The following TRPC6 variants were observed in gnomAD, a reference collection of about 807,000 sequenced individuals.
TRPC6 encodes short transient receptor potential channel 6.
Under a neutral mutation model 90.7 loss-of-function variants are expected in TRPC6, and 55 were observed. The observed-to-expected ratio is 0.61, with a 90% CI of 0.49 to 0.76. The LOEUF (loss-of-function observed/expected upper bound fraction) is 0.76. TRPC6 is among the 30% of genes least tolerant of loss of function. The pLI, the probability that TRPC6 is intolerant of heterozygous loss-of-function variation, is 0.00. For synonymous variants in TRPC6, 393 were observed against 393.0 expected (o/e 1.00, Z 0.00); for missense variants, 989 against 1,122.7 (o/e 0.88, Z 1.70).
intron 10 of TRPC6, among the ~76,000 whole-genome samples, chr11:101,467,534 GACA>G (rs1190950487): frequency 6.6e-6 from 1 of 152,166 alleles, no homozygotes; most frequent in Non-Finnish European, 1.5e-5. Context: ...GTCTTAATGA[GACA>G]ACATTTTAAG....
chr11:101,582,161 G>A (rs889473856), intron 1 of TRPC6, among the ~76,000 whole-genome samples: 1 of 152,230 alleles, frequency 6.6e-6, no homozygotes, highest in Admixed American at 6.5e-5. Flanking sequence ...ACAGCACACA[G>A]ATGAATGAAA....
At chr11:101,495,006 T>C (rs1441140196) in intron 2 of TRPC6, among the ~76,000 whole-genome samples, 5 of 152,208 alleles carry the variant, frequency 3.3e-5, no homozygotes, top group Admixed American at 3.3e-4. Flanking sequence ...GGTAGCTCAT[T>C]AGCCAGAATG....
chr11:101,508,396 C>G (rs116262769), intron 1 of TRPC6, among the ~76,000 whole-genome samples: 2,353 of 152,176 alleles, frequency 0.015, 67 homozygotes, highest in African/African-American at 0.054. Context: ...GTCTGAGTTA[C>G]GGTGAGTTTC....
chr11:101,460,223 G>A (rs1411394186), intron 10 of TRPC6, among the ~76,000 whole-genome samples: 1 of 152,060 alleles, frequency 6.6e-6, no homozygotes, highest in Non-Finnish European at 1.5e-5. Context: ...GTCAGTACAT[G>A]TACCCCTTGG....
At chr11:101,554,367 G>A (rs992621268) in intron 1 of TRPC6, among the ~76,000 whole-genome samples, 2 of 151,488 alleles carry the variant, frequency 1.3e-5, no homozygotes, top group African/African-American at 2.4e-5. Context: ...TGCTTGGTAT[G>A]TTAACTGGGC....
intron 4 of TRPC6, among the ~76,000 whole-genome samples, chr11:101,487,160 T>C (rs969485024): frequency 9.2e-5 from 14 of 152,100 alleles, no homozygotes; most frequent in African/African-American, 3.4e-4. Flanking sequence ...TGGAATACAT[T>C]ATGCTTTCGA....
At chr11:101,566,694 C>G (rs1186786512) in intron 1 of TRPC6, among the ~76,000 whole-genome samples, 1 of 152,180 alleles carries the variant, frequency 6.6e-6, no homozygotes, top group African/African-American at 2.4e-5. Flanking sequence ...CTTCATCTCA[C>G]TGGGACAGGT....
At chr11:101,459,931 G>T (rs895372796) in intron 10 of TRPC6, among the ~76,000 whole-genome samples, 1 of 152,144 alleles carries the variant, frequency 6.6e-6, no homozygotes, top group African/African-American at 2.4e-5. Flanking sequence ...ATATGCTTGT[G>T]TGATGGGTTG....
At chr11:101,487,479 A>ACAACTTT (rs1859702727) in intron 4 of TRPC6, among the ~76,000 whole-genome samples, 2 of 152,034 alleles carry the variant, frequency 1.3e-5, no homozygotes, top group Admixed American at 6.6e-5. Flanking sequence ...TCACTCAAAT[A>ACAACTTT]ATATGCACTG....
At chr11:101,459,540 G>T (rs1032796193) in intron 10 of TRPC6, among the ~76,000 whole-genome samples, 1 of 152,122 alleles carries the variant, frequency 6.6e-6, no homozygotes, top group African/African-American at 2.4e-5. Flanking sequence ...TTATTGAAAA[G>T]TGTAACTCTC....
chr11:101,566,845 T>C (rs1328466352), intron 1 of TRPC6, among the ~76,000 whole-genome samples: 2 of 152,192 alleles, frequency 1.3e-5, no homozygotes, highest in Admixed American at 6.5e-5. Flanking sequence ...CCAGCCCAGA[T>C]ACTGGGCTTT....
chr11:101,458,641 T>G (rs546961366), intron 10 of TRPC6, among the ~76,000 whole-genome samples: 2 of 152,316 alleles, frequency 1.3e-5, no homozygotes, highest in East Asian at 3.9e-4. Flanking sequence ...GTCTGCTTAT[T>G]ATCTGAAAAG....
chr11:101,476,204 A>G (rs1859413398), intron 6 of TRPC6, 97 bp downstream of exon 6: 1 of 1,022,008 alleles, frequency 9.8e-7, no homozygotes, highest in Non-Finnish European at 1.5e-6. Flanking sequence ...CTCACAAACA[A>G]TTTTATGAGA....
chr11:101,475,863 C>CAT (rs34743581), intron 6 of TRPC6, among the ~76,000 whole-genome samples: 43,684 of 151,286 alleles, frequency 0.29, 7,520 homozygotes, highest in African/African-American at 0.49. Context: ...CACACACACA[C>CAT]ATGTGTGTAC....
At position 101,546,235 on chromosome 11, in the gene TRPC6, C is replaced by T. The variant is rs12288109; in HGVS notation, c.170+37099G>A. 6.3e-5 allele frequency among the ~76,000 whole-genome samples: 7 copies of T among 110,974 alleles called. 1 individual carries two copies. In the Admixed American group the frequency reaches 7.0e-4, roughly 11 times the overall value. 72.8% of individuals were successfully genotyped at this position (110,974 alleles called of 152,430 possible). A position where few individuals can be genotyped will look rare whatever the true frequency, so the allele number is the denominator to read the frequency against. On this transcript the variant is annotated intron_variant, in intron 1 of 12. Coordinates refer to ENST00000344327, the MANE Select transcript of TRPC6 (RefSeq NM_004621.6). ...TACAGGCGCCCGCCACCGCGCCCGGCTAATTTTTTTGTATTTTTAGTAGAG... is the reference window on the plus strand; with the variant it reads ...TACAGGCGCCCGCCACCGCGCCCGGTTAATTTTTTTGTATTTTTAGTAGAG...
chr11:101,531,412 T>G (rs1250898292), intron 1 of TRPC6, among the ~76,000 whole-genome samples: 3 of 152,234 alleles, frequency 2.0e-5, no homozygotes, highest in Non-Finnish European at 2.9e-5. Context: ...ACCCAAAGTC[T>G]GCATCCTAAA....
At chr11:101,482,342 T>C (rs1479761680) in intron 5 of TRPC6, among the ~76,000 whole-genome samples, 2 of 152,198 alleles carry the variant, frequency 1.3e-5, no homozygotes, top group Admixed American at 6.5e-5. Context: ...GCTACATGTA[T>C]GATTGATTCT....
intron 10 of TRPC6, among the ~76,000 whole-genome samples, chr11:101,462,360 G>A (rs1167771153): frequency 2.0e-5 from 3 of 152,312 alleles, no homozygotes; most frequent in East Asian, 1.9e-4. Context: ...GTCAGTGGTA[G>A]CTTGACGAGG....
intron 2 of TRPC6, among the ~76,000 whole-genome samples, chr11:101,499,587 T>TGAG (rs71056613): frequency 1.4e-5 from 1 of 73,562 alleles, no homozygotes; most frequent in African/African-American, 6.1e-5. Context: ...TATATATACG[T>TGAG]ATATATATAC....
Sources: gnomAD v4.1 joint callset for allele counts (sites outside exome capture counted in the v4.1 genomes callset) on GRCh38, gnomAD v4.1.1 for gene constraint, MANE v1.5 for transcripts, NCBI Gene and HGNC (gene_info 2026-07-23, HGNC 2026-07-21) for gene names.